The following IL7R variants were observed in gnomAD, a reference collection of about 807,000 sequenced individuals.
IL7R encodes interleukin 7 receptor, also known as interleukin-7 receptor subunit alpha.
A neutral mutation model predicts 47.0 loss-of-function variants in IL7R; 38 were observed. That is an observed-to-expected ratio of 0.81 (90% CI 0.62 to 1.06). IL7R has a LOEUF of 1.06. IL7R is among the 50% of genes least tolerant of loss of function. IL7R has a pLI of 0.00. For synonymous variants in IL7R, 221 were observed against 199.8 expected, an observed-to-expected ratio of 1.11 and a Z score of -0.89; for missense variants, 633 against 534.8, an observed-to-expected ratio of 1.18 and a Z score of -1.81.
chr5:35,869,139 G>A (rs1760010146), intron 3 of IL7R, among the ~76,000 whole-genome samples: 1 of 152,102 alleles, frequency 6.6e-6, no homozygotes, highest in Non-Finnish European at 1.5e-5. Context: ...CCATTTAAGT[G>A]AGTTTAAACT....
chr5:35,859,713 T>C (rs975110981), intron 1 of IL7R, among the ~76,000 whole-genome samples: 7 of 152,188 alleles, frequency 4.6e-5, no homozygotes, highest in African/African-American at 1.7e-4. Flanking sequence ...GTTATTTAAG[T>C]AAAGAAAGTG....
Position 35,859,857 on chromosome 5 carries a change from G to A in IL7R, c.83-995G>A, listed in dbSNP as rs561552680. On this transcript the variant is annotated intron_variant, in intron 1 of 7. Coordinates refer to ENST00000303115, the MANE Select transcript of IL7R (RefSeq NM_002185.5). ...CCAAAAATACATGGAAGCAGTCCTAGGCTCACACTTGAGCACTCTGAGAAT... is the reference window on the plus strand; with the variant it reads ...CCAAAAATACATGGAAGCAGTCCTAAGCTCACACTTGAGCACTCTGAGAAT... Among the ~76,000 whole-genome samples, 5 of 152,200 alleles carry A rather than the reference G, an allele frequency of 3.3e-5. No individual in the cohort carries two copies. In the South Asian group the frequency reaches 8.3e-4, roughly 25 times the overall value.
chr5:35,875,428 T>C, intron 6 of IL7R, 84 bp from the exon 7 acceptor site: 1 of 967,406 alleles, frequency 1.0e-6, no homozygotes. Flanking sequence ...GTTCTTCTGA[T>C]TCCAAGCTCA....
chr5:35,862,649 G>C (rs149690034), intron 2 of IL7R, among the ~76,000 whole-genome samples: 1 of 151,990 alleles, frequency 6.6e-6, no homozygotes, highest in Non-Finnish European at 1.5e-5. Context: ...ACAGCCATAC[G>C]GTCATCCTTG....
At chr5:35,871,014 T>C in intron 3 of IL7R, 42 bp from the exon 4 acceptor site, 1 of 1,575,122 alleles carries the variant, frequency 6.3e-7, no homozygotes, top group Non-Finnish European at 8.7e-7. Context: ...ATTATTTCCT[T>C]GGCTGCCCTT....
intron 2 of IL7R, among the ~76,000 whole-genome samples, chr5:35,866,119 A>G (rs947759883): frequency 1.3e-5 from 2 of 152,308 alleles, no homozygotes; most frequent in African/African-American, 2.4e-5. Flanking sequence ...AGTTTTTAAC[A>G]TGAATAGATG....
intron 1 of IL7R, among the ~76,000 whole-genome samples, chr5:35,858,160 C>A (rs1316024059): frequency 1.3e-5 from 2 of 152,170 alleles, no homozygotes; most frequent in Non-Finnish European, 2.9e-5. Flanking sequence ...CTAGTTCACC[C>A]TGGTGATCAT....
At chr5:35,862,683 A>G (rs1339376767) in intron 2 of IL7R, among the ~76,000 whole-genome samples, 2 of 152,212 alleles carry the variant, frequency 1.3e-5, no homozygotes, top group East Asian at 3.9e-4. Flanking sequence ...CATTAATTTC[A>G]TTCTCAAAAT....
At chr5:35,875,866 C>A (rs1561425659) in intron 7 of IL7R, 117 bp from the exon 8 acceptor site, 2 of 1,146,794 alleles carry the variant, frequency 1.7e-6, no homozygotes, top group East Asian at 2.4e-5. Flanking sequence ...GAGGAACATG[C>A]TGGCAATTCT....
Position 35,876,582 on chromosome 5 carries a change from C to A in IL7R, c.*96C>A. The A allele has an allele frequency of 7.5e-7, 1 of 1,331,900 alleles. No individual in the cohort carries two copies. Among genetic ancestry groups the A allele is most frequent in the Non-Finnish European group, 1.1e-6 (1 of 948,336 alleles). 82.5% of individuals were successfully genotyped at this position (1,331,900 alleles called of 1,614,324 possible). The stretch of plus-strand genomic sequence containing the variant: ...AGTCTCCCTCACAGCACAGAGAAGA[C>A]AAAATTAGCAAAACCCCACTACACA... On this transcript the variant is annotated 3_prime_UTR_variant, in exon 8 of 8. Transcript: ENST00000303115.
rs754897111 is a variant in IL7R at position 35,876,131 on chromosome 5, G to A, written c.1025G>A (p.Gly342Glu). ...GAATCTGAGAAGCAGAGGCTTGGAGGGGATGTGCAGAGCCCCAACTGCCCA... is the reference window on the plus strand; with the variant it reads ...GAATCTGAGAAGCAGAGGCTTGGAGAGGATGTGCAGAGCCCCAACTGCCCA... ...LEESEKQRLG[G>E]DVQSPNCPSE... is the part of the protein sequence containing the mutation. The change falls in exon 8 of 8, where the codon GGG becomes GAG. Residue 342 changes from glycine (G) to glutamate (E), a missense_variant. By Grantham distance (98) the Gly-to-Glu change is moderately conservative. Coordinates refer to ENST00000303115, the MANE Select transcript of IL7R (RefSeq NM_002185.5). 6.2e-7 allele frequency: 1 copy of A among 1,614,124 alleles called. No individual in the cohort carries two copies. The highest frequency in any genetic ancestry group is 1.1e-5 in the South Asian group (1 of 91,078).
In IL7R at chr5:35,873,587, C is replaced by T; in HGVS notation, c.645C>T (p.Gly215=). ...VRSIPDHYFK[G]FWSEWSPSYY... ...CCATCCCTGATCACTATTTTAAAGG[C>T]TTCTGGAGTGAATGGAGTCCAAGTT... Residue 215 remains glycine, a synonymous_variant, in exon 5 of 8, where the codon GGC becomes GGT. Coordinates refer to ENST00000303115, the MANE Select transcript of IL7R (RefSeq NM_002185.5). The T allele has an allele frequency of 1.2e-6, 2 of 1,613,958 alleles. No individual in the cohort carries two copies. The highest frequency in any genetic ancestry group is 1.3e-5 in the African/African-American group (1 of 75,042).
rs2149907045 is a variant in IL7R, at chr5:35,877,284, A to T, written c.*798A>T. On this transcript the variant is annotated 3_prime_UTR_variant, in exon 8 of 8. Coordinates refer to ENST00000303115, the MANE Select transcript of IL7R (RefSeq NM_002185.5). The stretch of plus-strand genomic sequence containing the variant: ...ATGTGAACATACATATCATCACTTA[A>T]ATTAAAATGGCTATGAGAAAGAAAG... 4.3e-6 allele frequency: 1 copy of T among 233,220 alleles called. No homozygotes were observed. Among genetic ancestry groups the T allele is most frequent in the East Asian group, 6.0e-5 (1 of 16,588 alleles). The allele number at this position is 233,220 out of a possible 1,614,324, so 14.4% of individuals were successfully genotyped here.
At chr5:35,875,946 G>C in intron 7 of IL7R, 37 bp from the exon 8 acceptor site, 1 of 1,602,424 alleles carries the variant, frequency 6.2e-7, no homozygotes, top group South Asian at 1.1e-5. Context: ...TGTCTCTCTG[G>C]TGCCATCTTA....
At chr5:35,872,070 C>A (rs574138614) in intron 4 of IL7R, among the ~76,000 whole-genome samples, 1 of 152,142 alleles carries the variant, frequency 6.6e-6, no homozygotes, top group Non-Finnish European at 1.5e-5. Flanking sequence ...CACCCTTGAT[C>A]CTGCCATCTT....
intron 1 of IL7R, 84 bp downstream of exon 1, chr5:35,857,143 T>G (rs1759669691): frequency 1.1e-5 from 9 of 846,854 alleles, no homozygotes; most frequent in South Asian, 4.0e-5. Flanking sequence ...CAGACCTGAG[T>G]CAGGCACTGG....
chr5:35,867,592 T>C (rs1286806686), intron 3 of IL7R, 129 bp downstream of exon 3: 3 of 735,842 alleles, frequency 4.1e-6, no homozygotes, highest in East Asian at 5.3e-5. Context: ...GCTAATTCCC[T>C]ACTGTAAATT....
chr5:35,866,197 G>C (rs1759934554), intron 2 of IL7R, among the ~76,000 whole-genome samples: 1 of 152,130 alleles, frequency 6.6e-6, no homozygotes, highest in African/African-American at 2.4e-5. Flanking sequence ...ATGTCTTCTA[G>C]TCTGTTAACA....
At chr5:35,860,004 C>G (rs1759758767) in intron 1 of IL7R, among the ~76,000 whole-genome samples, 1 of 151,664 alleles carries the variant, frequency 6.6e-6, no homozygotes, top group Admixed American at 6.6e-5. Flanking sequence ...ATTATAGGGT[C>G]TACAAAACAG....
Sources: allele counts gnomAD v4.1 joint callset (sites outside exome capture counted in the v4.1 genomes callset), GRCh38; gene constraint gnomAD v4.1.1; transcripts MANE v1.5; gene names NCBI Gene and HGNC (gene_info 2026-07-23, HGNC 2026-07-21).